Variants in FOXK2 observed in about 807,000 individuals in gnomAD.
The protein encoded by FOXK2 is forkhead box protein K2.
A neutral mutation model predicts 53.3 loss-of-function variants in FOXK2; 24 were observed. That is an observed-to-expected ratio of 0.45 (90% CI 0.33 to 0.63). FOXK2 has a LOEUF of 0.63. FOXK2 is among the 30% of genes least tolerant of loss of function. The pLI is 0.03. For synonymous variants in FOXK2, 505 were observed against 407.1 expected (o/e 1.24, Z -2.89); for missense variants, 952 against 910.5 (o/e 1.05, Z -0.59).
chr17:82,585,866 G>C, intron 6 of FOXK2, 38 bp from the exon 7 acceptor site: 3 of 1,582,462 alleles, frequency 1.9e-6, no homozygotes, highest in Middle Eastern at 1.7e-4. Context: ...GTAGAAGTCA[G>C]TATCTGTAAG....
At chr17:82,596,371 C>G (rs898647200) in intron 8 of FOXK2, among the ~76,000 whole-genome samples, 9 of 117,316 alleles carry the variant, frequency 7.7e-5, no homozygotes, top group Non-Finnish European at 9.6e-5. Context: ...TAGGGGGACC[C>G]TCAGAGCTTG....
chr17:82,587,538 T>TCCTGGGTGTGG (rs2045201573), intron 8 of FOXK2: 1 of 477,196 alleles, frequency 2.1e-6, no homozygotes, highest in Non-Finnish European at 3.9e-6. Flanking sequence ...CTTGTAGATT[T>TCCTGGGTGTGG]CCTGGGTGTG....
At chr17:82,591,085 A>C (rs2045248992) in intron 8 of FOXK2, among the ~76,000 whole-genome samples, 1 of 152,188 alleles carries the variant, frequency 6.6e-6, no homozygotes, top group Non-Finnish European at 1.5e-5. Flanking sequence ...TGGGGCTGAC[A>C]GGACGAGGGG....
chr17:82,533,944 A>T (rs1488969829), intron 1 of FOXK2, among the ~76,000 whole-genome samples: 1 of 151,176 alleles, frequency 6.6e-6, no homozygotes, highest in Non-Finnish European at 1.5e-5. Flanking sequence ...GGCTATAGGG[A>T]GCCGAGATCA....
In FOXK2 at chr17:82,558,433, C is replaced by T. The variant is rs1192378596; in HGVS notation, c.420-4921C>T. On this transcript the variant is annotated intron_variant, in intron 1 of 8. Coordinates refer to ENST00000335255, the MANE Select transcript of FOXK2 (RefSeq NM_004514.4). ...GCACTCAGCCGGGTCTGGACGAGGA[C>T]GTTGTGCGTAACTCTACGGAGAAGT... 3.3e-5 allele frequency among the ~76,000 whole-genome samples: 5 copies of T among 152,162 alleles called. No individual in the cohort carries two copies. The East Asian group carries it at 5.8e-4, about 18-fold the overall frequency.
chr17:82,581,730 C>G (rs1167013104), intron 4 of FOXK2, among the ~76,000 whole-genome samples: 1 of 152,168 alleles, frequency 6.6e-6, no homozygotes, highest in Non-Finnish European at 1.5e-5. Context: ...CCGCCTCGGC[C>G]TCCCAAAGTG....
At chr17:82,535,179 C>T (rs761171677) in intron 1 of FOXK2, among the ~76,000 whole-genome samples, 37 of 152,192 alleles carry the variant, frequency 2.4e-4, no homozygotes, top group Non-Finnish European at 4.3e-4. Flanking sequence ...CGTGCCCGGC[C>T]TTGGCCTTCG....
At chr17:82,573,327 C>A (rs2044940058) in intron 4 of FOXK2, among the ~76,000 whole-genome samples, 1 of 152,044 alleles carries the variant, frequency 6.6e-6, no homozygotes, top group Non-Finnish European at 1.5e-5. Context: ...ACCCCCCATA[C>A]CTGGAGTGTC....
rs142784312 is a variant in FOXK2 at position 82,554,386 on chromosome 17, C to T, written c.420-8968C>T. Among the ~76,000 whole-genome samples the T allele has an allele frequency of 1.6e-3, 249 of 152,286 alleles. 1 individual carries two copies. The highest frequency in any genetic ancestry group is 3.1e-3 in the Non-Finnish European group (208 of 68,032). ...CTTCGTGAGTCTGTTAATTCATAAA[C>T]TCCAGACCATTGGCCTGCACGTTGC... On this transcript the variant is annotated intron_variant, in intron 1 of 8. Transcript: ENST00000335255.
chr17:82,552,221 G>C (rs775487408), intron 1 of FOXK2, among the ~76,000 whole-genome samples: 1 of 152,186 alleles, frequency 6.6e-6, no homozygotes, highest in Admixed American at 6.5e-5. Context: ...AATTACTTCA[G>C]AATTAAAGCA....
At chr17:82,567,683 C>T (rs1168637382) in intron 2 of FOXK2, among the ~76,000 whole-genome samples, 2 of 152,100 alleles carry the variant, frequency 1.3e-5, no homozygotes, top group African/African-American at 4.8e-5. Flanking sequence ...TCAGTGAGGA[C>T]CTCTGTGCCT....
intron 1 of FOXK2, among the ~76,000 whole-genome samples, chr17:82,554,905 C>T (rs1300017759): frequency 1.3e-5 from 2 of 152,080 alleles, no homozygotes; most frequent in Non-Finnish European, 2.9e-5. Flanking sequence ...GCCACCATGC[C>T]CGACTAATTT....
At chr17:82,523,597 C>T (rs917277097) in intron 1 of FOXK2, among the ~76,000 whole-genome samples, 12 of 151,674 alleles carry the variant, frequency 7.9e-5, no homozygotes, top group African/African-American at 1.7e-4. Flanking sequence ...TTCAGCCTCC[C>T]GAGTACCTGG....
At chr17:82,566,528 A>C (rs1488182477) in intron 2 of FOXK2, among the ~76,000 whole-genome samples, 1 of 152,152 alleles carries the variant, frequency 6.6e-6, no homozygotes, top group Non-Finnish European at 1.5e-5. Flanking sequence ...CTTATTAAGC[A>C]CTGCATGAAA....
chr17:82,586,577 T>G (rs1009594319), intron 7 of FOXK2, among the ~76,000 whole-genome samples: 1 of 151,540 alleles, frequency 6.6e-6, no homozygotes, highest in Non-Finnish European at 1.5e-5. Flanking sequence ...GGCTGCCCCA[T>G]CAGCCTCACA....
At chr17:82,570,188 C>T (rs1405439043) in intron 3 of FOXK2, among the ~76,000 whole-genome samples, 1 of 151,276 alleles carries the variant, frequency 6.6e-6, no homozygotes, top group Non-Finnish European at 1.5e-5. Context: ...CGCCACTGCA[C>T]TCCAGCCTGA....
chr17:82,581,763 C>A (rs1329899788), intron 4 of FOXK2, among the ~76,000 whole-genome samples: 5 of 152,166 alleles, frequency 3.3e-5, no homozygotes, highest in Admixed American at 1.3e-4. Context: ...GCGTGAGCCA[C>A]CATGCCTGGC....
intron 1 of FOXK2, among the ~76,000 whole-genome samples, chr17:82,537,480 G>A (rs1026579130): frequency 2.0e-5 from 3 of 151,418 alleles, no homozygotes; most frequent in Admixed American, 6.6e-5. Context: ...AATTAACCGG[G>A]CATGGTGGTG....
chr17:82,538,242 T>G (rs569234128), intron 1 of FOXK2, among the ~76,000 whole-genome samples: 1 of 151,390 alleles, frequency 6.6e-6, no homozygotes, highest in African/African-American at 2.4e-5. Context: ...AAAAAAGATA[T>G]AGGCCGGGTG....
Sources: allele counts gnomAD v4.1 joint callset (sites outside exome capture counted in the v4.1 genomes callset), GRCh38; gene constraint gnomAD v4.1.1; transcripts MANE v1.5; gene names NCBI Gene and HGNC (gene_info 2026-07-23, HGNC 2026-07-21).